Variants in FRMD4B observed in about 807,000 individuals in gnomAD.
FRMD4B encodes FERM domain-containing protein 4B.
FRMD4B carries 74 observed loss-of-function variants against 141.5 expected under a neutral mutation model. The observed-to-expected ratio is 0.52, with a 90% CI of 0.43 to 0.63. The LOEUF (loss-of-function observed/expected upper bound fraction) is 0.63. FRMD4B is among the 30% of genes least tolerant of loss of function. The pLI, the probability that FRMD4B is intolerant of heterozygous loss-of-function variation, is 0.00. For synonymous variants in FRMD4B, 506 were observed against 467.9 expected, an observed-to-expected ratio of 1.08 and a Z score of -1.05; for missense variants, 1,366 against 1,253.4, an observed-to-expected ratio of 1.09 and a Z score of -1.36.
At chr3:69,426,460 AC>A (rs2106822700) in intron 2 of FRMD4B, among the ~76,000 whole-genome samples, 1 of 152,302 alleles carries the variant, frequency 6.6e-6, no homozygotes, top group Admixed American at 6.5e-5. Flanking sequence ...TCACGTTAAT[AC>A]CAACCTATTG....
At chr3:69,522,599 A>C (rs528453195) in intron 1 of FRMD4B, among the ~76,000 whole-genome samples, 2 of 152,252 alleles carry the variant, frequency 1.3e-5, no homozygotes, top group Middle Eastern at 6.8e-3. Context: ...GCTTCAGATG[A>C]CATTATTTGT....
At chr3:69,337,525 C>A (rs972569821) in intron 1 of FRMD4B, among the ~76,000 whole-genome samples, 1 of 152,162 alleles carries the variant, frequency 6.6e-6, no homozygotes, top group Non-Finnish European at 1.5e-5. Context: ...AGGCAACCTA[C>A]AGAATGGGAG....
chr3:69,439,993 T>C (rs1350602952), intron 1 of FRMD4B, among the ~76,000 whole-genome samples: 1 of 152,200 alleles, frequency 6.6e-6, no homozygotes, highest in Non-Finnish European at 1.5e-5. Context: ...CTTTTGGTAG[T>C]TATTTGGGGT....
intron 1 of FRMD4B, among the ~76,000 whole-genome samples, chr3:69,320,145 C>T (rs13066342): frequency 2.0e-5 from 3 of 152,020 alleles, no homozygotes; most frequent in Admixed American, 2.0e-4. Flanking sequence ...CAGGCTACAG[C>T]GTAAGTGACC....
chr3:69,263,049 G>A (rs922219482), intron 5 of FRMD4B, among the ~76,000 whole-genome samples: 3 of 151,970 alleles, frequency 2.0e-5, no homozygotes, highest in South Asian at 2.1e-4. Context: ...ACCTGAGGTC[G>A]GGAGTTCGAG....
intron 1 of FRMD4B, among the ~76,000 whole-genome samples, chr3:69,341,720 A>T (rs12635365): frequency 6.6e-6 from 1 of 152,168 alleles, no homozygotes; most frequent in Non-Finnish European, 1.5e-5. Context: ...TAAACCTTGA[A>T]GCCTGCTCTG....
chr3:69,379,220 C>A (rs1704050234), intron 1 of FRMD4B, among the ~76,000 whole-genome samples: 3 of 152,020 alleles, frequency 2.0e-5, no homozygotes, highest in Admixed American at 2.0e-4. Flanking sequence ...CAGAGAAGGA[C>A]CTAGTAAAGG....
At chr3:69,366,783 G>A (rs763750626) in intron 1 of FRMD4B, among the ~76,000 whole-genome samples, 3 of 151,468 alleles carry the variant, frequency 2.0e-5, no homozygotes, top group Non-Finnish European at 4.4e-5. Context: ...GTTTTGTTTT[G>A]TTTTTAGACA....
intron 1 of FRMD4B, among the ~76,000 whole-genome samples, chr3:69,458,819 A>G (rs1705658984): frequency 6.6e-6 from 1 of 150,858 alleles, no homozygotes; most frequent in Non-Finnish European, 1.5e-5. Context: ...TGGCAAAAAA[A>G]CAGTCTAACC....
At chr3:69,341,287 C>G (rs1192653769) in intron 1 of FRMD4B, among the ~76,000 whole-genome samples, 2 of 152,004 alleles carry the variant, frequency 1.3e-5, no homozygotes, top group African/African-American at 4.8e-5. Context: ...TGAAAAAAAT[C>G]TCTGCAGATT....
intron 4 of FRMD4B, among the ~76,000 whole-genome samples, chr3:69,300,849 C>T (rs527552852): frequency 6.6e-6 from 1 of 152,256 alleles, no homozygotes; most frequent in East Asian, 1.9e-4. Flanking sequence ...AGCTATTCTG[C>T]CTCAGCCTCT....
intron 2 of FRMD4B, among the ~76,000 whole-genome samples, chr3:69,402,696 G>A (rs1295938644): frequency 6.6e-6 from 1 of 152,098 alleles, no homozygotes; most frequent in Non-Finnish European, 1.5e-5. Context: ...TCTAGATCTC[G>A]TGGATACCAA....
intron 1 of FRMD4B, among the ~76,000 whole-genome samples, chr3:69,348,829 G>A (rs1156831257): frequency 6.6e-6 from 1 of 152,162 alleles, no homozygotes; most frequent in African/African-American, 2.4e-5. Flanking sequence ...TTGATGGGAT[G>A]TATCTCAAAA....
intron 4 of FRMD4B, among the ~76,000 whole-genome samples, chr3:69,291,725 G>T (rs1452191330): frequency 6.6e-6 from 1 of 152,068 alleles, no homozygotes; most frequent in Non-Finnish European, 1.5e-5. Context: ...ATTGTCCCTT[G>T]GTTTCTGCTC....
At chr3:69,284,635 T>C (rs1025854493) in intron 5 of FRMD4B, among the ~76,000 whole-genome samples, 1 of 151,970 alleles carries the variant, frequency 6.6e-6, no homozygotes, top group East Asian at 1.9e-4. Flanking sequence ...TTCAAAAAGA[T>C]ACAATTAATA....
Position 69,513,691 on chromosome 3 carries a change from T to A in FRMD4B, c.-129+28515A>T, listed in dbSNP as rs550444374. 1.3e-3 allele frequency among the ~76,000 whole-genome samples: 192 copies of A among 152,146 alleles called. 1 individual carries two copies. Among genetic ancestry groups the A allele is most frequent in the South Asian group, 8.3e-4 (4 of 4,828 alleles). The stretch of plus-strand genomic sequence containing the variant: ...TCAACAGCATACTAAAAGGATTATA[T>A]AGGGCAACCAAGTGAGATTTATTTC... On this transcript the variant is annotated intron_variant, in intron 1 of 5. Coordinates refer to the FRMD4B transcript ENST00000459638.
At chr3:69,488,761 C>T (rs1048677508) in intron 1 of FRMD4B, among the ~76,000 whole-genome samples, 1 of 151,568 alleles carries the variant, frequency 6.6e-6, no homozygotes, top group Admixed American at 6.6e-5. Context: ...GGCATGGTGG[C>T]GGGTGCCTGT....
At chr3:69,369,511 GTTCAGATT>G (rs1247813617) in intron 1 of FRMD4B, among the ~76,000 whole-genome samples, 1 of 151,798 alleles carries the variant, frequency 6.6e-6, no homozygotes, top group Non-Finnish European at 1.5e-5. Flanking sequence ...AAAGGAGACT[GTTCAGATT>G]CTGGCACTAA....
intron 19 of FRMD4B, among the ~76,000 whole-genome samples, chr3:69,184,077 A>AT (rs1437057949): frequency 1.3e-5 from 2 of 151,036 alleles, no homozygotes; most frequent in Non-Finnish European, 3.0e-5. Flanking sequence ...TATTTTTTTT[A>AT]TTTTTTTTAT....
Sources: allele counts gnomAD v4.1 joint callset (sites outside exome capture counted in the v4.1 genomes callset), GRCh38; gene constraint gnomAD v4.1.1; transcripts MANE v1.5; gene names NCBI Gene and HGNC (gene_info 2026-07-23, HGNC 2026-07-21).